The following DPP6 variants were observed in gnomAD, a reference collection of about 807,000 sequenced individuals.
The protein encoded by DPP6 is A-type potassium channel modulatory protein DPP6.
Under a neutral mutation model 122.6 loss-of-function variants are expected in DPP6, and 69 were observed. The observed-to-expected ratio is 0.56, with a 90% confidence interval of 0.46 to 0.69. DPP6 has a LOEUF of 0.69. Ranked by LOEUF, DPP6 falls within the 30% of genes least tolerant of loss-of-function variation. DPP6 has a pLI of 0.00. For synonymous variants in DPP6, 418 were observed against 433.1 expected (o/e 0.97, Z 0.43); for missense variants, 928 against 1,116.9 (o/e 0.83, Z 2.41).
chr7:153,908,258 T>C (rs1320119133), intron 1 of DPP6, among the ~76,000 whole-genome samples: 2 of 152,144 alleles, frequency 1.3e-5, no homozygotes, highest in African/African-American at 4.8e-5. Context: ...TTGTTTCTGG[T>C]AATGCATGCT....
At chr7:154,480,931 C>T (rs1045195819) in intron 3 of DPP6, among the ~76,000 whole-genome samples, 16 of 152,276 alleles carry the variant, frequency 1.1e-4, no homozygotes, top group African/African-American at 2.6e-4. Flanking sequence ...ATCCCACATC[C>T]GATCCATCAA....
chr7:154,587,284 C>G, intron 5 of DPP6: 1 of 293,360 alleles, frequency 3.4e-6, no homozygotes, highest in South Asian at 4.5e-5. Flanking sequence ...GGTGGCTGCT[C>G]TCATCCTGAC....
intron 1 of DPP6, among the ~76,000 whole-genome samples, chr7:154,346,722 T>C (rs1198486896): frequency 6.6e-6 from 1 of 152,238 alleles, no homozygotes; most frequent in African/African-American, 2.4e-5. Context: ...CAGGTGTTCA[T>C]GCCCAGGTAG....
chr7:154,539,774 CATTT>C (rs1229739887), intron 3 of DPP6, among the ~76,000 whole-genome samples: 1 of 147,626 alleles, frequency 6.8e-6, no homozygotes, highest in African/African-American at 2.4e-5. Flanking sequence ...ATGAAATAAA[CATTT>C]TTTTAAATTA....
At chr7:153,907,242 C>T (rs1799888735) in intron 1 of DPP6, among the ~76,000 whole-genome samples, 1 of 152,118 alleles carries the variant, frequency 6.6e-6, no homozygotes, top group Non-Finnish European at 1.5e-5. Context: ...ATTTGCACTT[C>T]TCTGATGATG....
intron 1 of DPP6, among the ~76,000 whole-genome samples, chr7:153,981,367 C>T (rs1796575797): frequency 6.6e-6 from 1 of 151,872 alleles, no homozygotes. Flanking sequence ...TACTGCAAGC[C>T]CTGCTTTTTT....
At chr7:153,806,442 C>T in the DPP6 span, among the ~76,000 whole-genome samples, 1 of 151,530 alleles carries the variant, frequency 6.6e-6, no homozygotes, top group Non-Finnish European at 1.5e-5. Flanking sequence ...GGGTCAGTCC[C>T]TGTTCAAGGC....
the DPP6 span, among the ~76,000 whole-genome samples, chr7:153,792,368 A>C: frequency 6.6e-6 from 1 of 152,240 alleles, no homozygotes. Flanking sequence ...TGACCCAATA[A>C]CATTATTTAG....
the DPP6 span, among the ~76,000 whole-genome samples, chr7:153,810,541 C>A: frequency 2.6e-5 from 4 of 152,032 alleles, no homozygotes; most frequent in Non-Finnish European, 4.4e-5. Context: ...AGGGAAGAAT[C>A]ATTTGCCTAA....
At chr7:154,094,134 G>A (rs369744109) in intron 1 of DPP6, 2 of 152,108 alleles carry the variant, frequency 1.3e-5, no homozygotes, top group East Asian at 1.9e-4. Context: ...CGGTATCCCC[G>A]GGAGAACTCC....
At chr7:154,273,954 G>A (rs79988842) in intron 1 of DPP6, among the ~76,000 whole-genome samples, 4,595 of 152,232 alleles carry the variant, frequency 0.03, 254 homozygotes, top group African/African-American at 0.1. Context: ...TATCAAATGC[G>A]TGTCCCTGCC....
chr7:154,714,429 T>C (rs1318996736), intron 7 of DPP6, among the ~76,000 whole-genome samples: 2 of 152,192 alleles, frequency 1.3e-5, no homozygotes, highest in African/African-American at 2.4e-5. Context: ...GGGTAGTTTA[T>C]AAAAGAAGGA....
intron 10 of DPP6, among the ~76,000 whole-genome samples, chr7:154,777,986 A>C (rs1796690151): frequency 6.6e-6 from 1 of 152,172 alleles, no homozygotes; most frequent in Admixed American, 6.5e-5. Context: ...TGGTCGGTCC[A>C]TGCAGGCCTC....
intron 1 of DPP6, among the ~76,000 whole-genome samples, chr7:154,007,377 G>A (rs1039454503): frequency 2.6e-5 from 4 of 152,136 alleles, no homozygotes; most frequent in African/African-American, 4.8e-5. Context: ...CACCGATCAA[G>A]CATTAAAAAT....
chr7:153,927,468 A>G (rs1800954297), intron 1 of DPP6, among the ~76,000 whole-genome samples: 1 of 152,216 alleles, frequency 6.6e-6, no homozygotes, highest in Non-Finnish European at 1.5e-5. Flanking sequence ...GTTACAATAT[A>G]CATATACTGT....
intron 1 of DPP6, among the ~76,000 whole-genome samples, chr7:154,176,983 A>C (rs1486635873): frequency 6.6e-6 from 1 of 151,942 alleles, no homozygotes; most frequent in African/African-American, 2.4e-5. Flanking sequence ...ACAGGCACAC[A>C]CCACCACACC....
intron 4 of DPP6, among the ~76,000 whole-genome samples, chr7:154,556,927 GT>G (rs34346977): frequency 0.79 from 120,356 of 152,050 alleles, 48,624 homozygotes; most frequent in Non-Finnish European, 0.88. Context: ...TGTGTTAGAT[GT>G]TTTTTTGCAT....
chr7:154,678,109 C>T (rs1309060970), intron 7 of DPP6, among the ~76,000 whole-genome samples: 1 of 152,152 alleles, frequency 6.6e-6, no homozygotes, highest in Non-Finnish European at 1.5e-5. Flanking sequence ...CTGTGTCTAG[C>T]TAAAGGTTTG....
chr7:154,550,085 T>C (rs114058098), intron 4 of DPP6, among the ~76,000 whole-genome samples: 4,197 of 152,312 alleles, frequency 0.028, 187 homozygotes, highest in African/African-American at 0.093. Context: ...TTGAAAATTA[T>C]GTAACAATTA....
Sources: gnomAD v4.1 joint callset for allele counts (sites outside exome capture counted in the v4.1 genomes callset) on GRCh38, gnomAD v4.1.1 for gene constraint, MANE v1.5 for transcripts, NCBI Gene and HGNC (gene_info 2026-07-23, HGNC 2026-07-21) for gene names.